Variants in ZBTB16 observed in about 807,000 individuals in gnomAD.
ZBTB16 encodes the protein zinc finger and BTB domain-containing protein 16.
A neutral mutation model predicts 56.8 loss-of-function variants in ZBTB16; 8 were observed. The observed-to-expected ratio is 0.14, with a 90% CI of 0.08 to 0.25. The LOEUF is 0.25. Ranked by LOEUF, ZBTB16 falls within the 10% of genes least tolerant of loss-of-function variation. ZBTB16 has a pLI of 1.00. For missense variants in ZBTB16, 625 were observed against 903.0 expected (o/e 0.69, Z 3.95); for synonymous variants, 363 against 368.5 (o/e 0.98, Z 0.17).
chr11:114,107,774 G>C (rs1383245569), intron 2 of ZBTB16, among the ~76,000 whole-genome samples: 8 of 152,200 alleles, frequency 5.3e-5, no homozygotes, highest in African/African-American at 1.9e-4. Context: ...AATTTTCAAA[G>C]AGAAACAAAG....
At chr11:114,082,534 T>A (rs1274550566) in intron 2 of ZBTB16, among the ~76,000 whole-genome samples, 1 of 152,210 alleles carries the variant, frequency 6.6e-6, no homozygotes, top group Non-Finnish European at 1.5e-5. Context: ...GTGACGTGAC[T>A]GGAGTGCTCC....
chr11:114,130,638 A>C (rs1344323135), intron 2 of ZBTB16, among the ~76,000 whole-genome samples: 1 of 152,224 alleles, frequency 6.6e-6, no homozygotes, highest in East Asian at 1.9e-4. Flanking sequence ...TGGACAACCA[A>C]AAAGACAGCA....
intron 4 of ZBTB16, among the ~76,000 whole-genome samples, chr11:114,214,104 G>A (rs1444261324): frequency 2.6e-5 from 4 of 152,118 alleles, no homozygotes; most frequent in Admixed American, 1.3e-4. Context: ...TGGGTGGTGC[G>A]TGGAGAGGAA....
rs893542278 is a variant in ZBTB16, at chr11:114,072,381, C to T, written c.1268+7813C>T. 3.9e-5 allele frequency among the ~76,000 whole-genome samples: 6 copies of T among 152,192 alleles called. No homozygotes were observed. In the East Asian group the frequency reaches 5.8e-4, roughly 15 times the overall value. ...TAGCCGGGCAGCGCTCCACTGCCAT[C>T]GGGTCCAAATGCCGGGGAGGCTCAC... On this transcript the variant is annotated intron_variant, in intron 2 of 6. Coordinates refer to ENST00000335953, the MANE Select transcript of ZBTB16 (RefSeq NM_006006.6).
chr11:114,208,489 G>C (rs1343678217), intron 4 of ZBTB16, among the ~76,000 whole-genome samples: 1 of 152,120 alleles, frequency 6.6e-6, no homozygotes, highest in Non-Finnish European at 1.5e-5. Flanking sequence ...AATGGTCTTA[G>C]AACAGGGTAG....
intron 2 of ZBTB16, among the ~76,000 whole-genome samples, chr11:114,076,661 G>C (rs1332708617): frequency 1.6e-5 from 2 of 121,326 alleles, no homozygotes; most frequent in African/African-American, 6.6e-5. Context: ...AAGGGATAAA[G>C]ATGGTACCTA....
chr11:114,148,518 G>T (rs2134929408), intron 2 of ZBTB16, among the ~76,000 whole-genome samples: 1 of 139,480 alleles, frequency 7.2e-6, no homozygotes, highest in Non-Finnish European at 1.6e-5. Flanking sequence ...TTCTTAGATG[G>T]AGTCTCGTTC....
In ZBTB16 at chr11:114,250,420, C is replaced by G. The variant is rs528657585; in HGVS notation, c.1887C>G (p.Pro629=). The G allele has an allele frequency of 6.2e-7, 1 of 1,614,168 alleles. No homozygotes were observed. The change falls in exon 7 of 7, where the codon CCC becomes CCG. Residue 629 remains proline, a synonymous_variant. Coordinates refer to ENST00000335953, the MANE Select transcript of ZBTB16 (RefSeq NM_006006.6). The surrounding 1 kb of genome is among the most constrained non-coding windows in gnomAD (Gnocchi z 6.0). ...TGAGAACGCACAACGGCGCCTCGCC[C>G]TACCAGTGCACCATCTGCACAGAGT... ...KHLRTHNGAS[P]YQCTICTEYC...
intron 4 of ZBTB16, among the ~76,000 whole-genome samples, chr11:114,214,765 G>A (rs540965665): frequency 1.2e-3 from 184 of 152,258 alleles, no homozygotes; most frequent in African/African-American, 4.4e-3. Flanking sequence ...CACCACATCC[G>A]GCTAATTTTT....
chr11:114,101,598 T>C (rs1176524021), intron 2 of ZBTB16, among the ~76,000 whole-genome samples: 1 of 152,222 alleles, frequency 6.6e-6, no homozygotes, highest in African/African-American at 2.4e-5. Context: ...TTGGCCACTT[T>C]TAAAATTTTG....
chr11:114,105,266 A>G, intron 2 of ZBTB16, among the ~76,000 whole-genome samples: 1 of 146,386 alleles, frequency 6.8e-6, no homozygotes, highest in African/African-American at 2.6e-5. Flanking sequence ...TGAGACGTGG[A>G]GTCTCGCTCT....
intron 3 of ZBTB16, among the ~76,000 whole-genome samples, chr11:114,161,804 G>A (rs1312569856): frequency 6.7e-6 from 1 of 148,222 alleles, no homozygotes; most frequent in African/African-American, 2.6e-5. Context: ...GAATAGAAGG[G>A]ACTGTTGGGC....
chr11:114,114,339 G>A (rs750145010), intron 2 of ZBTB16, among the ~76,000 whole-genome samples: 11 of 152,172 alleles, frequency 7.2e-5, no homozygotes, highest in Admixed American at 1.3e-4. Flanking sequence ...AGGGACCACC[G>A]GGCTTCAGTG....
At position 114,103,642 on chromosome 11, in the gene ZBTB16, G is replaced by C. The variant is rs954173206; in HGVS notation, c.1268+39074G>C. Reference sequence around the variant, plus strand: ...TGGGTCGTTGGTGCTCCCCCACCCTGTGTCAGCATCTAAACCTCTGCACAC... The same window carrying C: ...TGGGTCGTTGGTGCTCCCCCACCCTCTGTCAGCATCTAAACCTCTGCACAC... On this transcript the variant is annotated intron_variant, in intron 2 of 6. Coordinates refer to ENST00000335953, the MANE Select transcript of ZBTB16 (RefSeq NM_006006.6). 2.0e-5 allele frequency among the ~76,000 whole-genome samples: 3 copies of C among 152,112 alleles called. No individual in the cohort carries two copies. In the East Asian group the frequency reaches 5.8e-4, roughly 29 times the overall value.
At chr11:114,216,610 C>T (rs1944104339) in intron 4 of ZBTB16, among the ~76,000 whole-genome samples, 1 of 152,158 alleles carries the variant, frequency 6.6e-6, no homozygotes, top group African/African-American at 2.4e-5. Context: ...AAACTCATCA[C>T]ACCGGAGGCA....
chr11:114,212,083 G>A (rs913494882), intron 4 of ZBTB16, among the ~76,000 whole-genome samples: 1 of 151,758 alleles, frequency 6.6e-6, no homozygotes, highest in African/African-American at 2.4e-5. Context: ...ACCTCCTTTT[G>A]TACAGTGTGG....
At chr11:114,234,320 C>G (rs780052615) in intron 4 of ZBTB16, among the ~76,000 whole-genome samples, 1 of 152,162 alleles carries the variant, frequency 6.6e-6, no homozygotes, top group Non-Finnish European at 1.5e-5. Flanking sequence ...GTGGGTGACT[C>G]TATATGCAGG....
At chr11:114,106,916 A>G (rs1261418734) in intron 2 of ZBTB16, among the ~76,000 whole-genome samples, 1 of 152,110 alleles carries the variant, frequency 6.6e-6, no homozygotes, top group Non-Finnish European at 1.5e-5. Context: ...TTTTCCCTTT[A>G]TACCAGCTCT....
At chr11:114,212,563 G>A (rs1053725104) in intron 4 of ZBTB16, among the ~76,000 whole-genome samples, 15 of 152,196 alleles carry the variant, frequency 9.9e-5, no homozygotes, top group African/African-American at 3.1e-4. Context: ...AAAAGACTTC[G>A]CTATAGAGTC....
Sources: gnomAD v4.1 joint callset for allele counts (sites outside exome capture counted in the v4.1 genomes callset) on GRCh38, gnomAD v4.1.1 for gene constraint, Gnocchi (gnomAD v3.1) non-coding constraint, MANE v1.5 for transcripts, NCBI Gene and HGNC (gene_info 2026-07-23, HGNC 2026-07-21) for gene names.